The following SLC26A7 variants were observed in gnomAD, a reference collection of about 807,000 sequenced individuals.
SLC26A7 encodes the protein solute carrier family 26 member 7, also known as anion exchange transporter.
A neutral mutation model predicts 82.5 loss-of-function variants in SLC26A7; 59 were observed. The ratio of observed to expected loss-of-function variants is 0.72; its 90% CI spans 0.58 to 0.89. The LOEUF is 0.89. Ranked by LOEUF, SLC26A7 falls within the 40% of genes least tolerant of loss-of-function variation. The pLI is 0.00. For synonymous variants in SLC26A7, 271 were observed against 274.3 expected, an observed-to-expected ratio of 0.99 and a Z score of 0.12; for missense variants, 820 against 793.0, an observed-to-expected ratio of 1.03 and a Z score of -0.41.
At chr8:91,285,430 C>T (rs1190514642) in intron 2 of SLC26A7, among the ~76,000 whole-genome samples, 1 of 152,260 alleles carries the variant, frequency 6.6e-6, no homozygotes, top group East Asian at 1.9e-4. Context: ...TATAAGGACA[C>T]CAGTCATATT....
At chr8:91,380,292 T>C (rs1011282211) in intron 15 of SLC26A7, among the ~76,000 whole-genome samples, 15 of 152,152 alleles carry the variant, frequency 9.9e-5, no homozygotes, top group Non-Finnish European at 2.1e-4. Context: ...GGAATATTTA[T>C]TTATGCATTA....
chr8:91,384,030 A>G (rs1030135485), intron 15 of SLC26A7, among the ~76,000 whole-genome samples: 3 of 152,176 alleles, frequency 2.0e-5, no homozygotes, highest in African/African-American at 4.8e-5. Flanking sequence ...CAAATAAACA[A>G]TGCAGGTATA....
chr8:91,332,836 AT>A (rs1813132977), intron 5 of SLC26A7, among the ~76,000 whole-genome samples: 1 of 151,822 alleles, frequency 6.6e-6, no homozygotes, highest in Non-Finnish European at 1.5e-5. Flanking sequence ...TTTCTTATAT[AT>A]TTTATTATTA....
At chr8:91,327,492 A>G (rs1011567640) in intron 5 of SLC26A7, among the ~76,000 whole-genome samples, 15 of 152,186 alleles carry the variant, frequency 9.9e-5, no homozygotes, top group African/African-American at 3.6e-4. Flanking sequence ...CATAGAAAAC[A>G]GTCCATATTT....
At chr8:91,303,685 T>A (rs887005260) in intron 4 of SLC26A7, among the ~76,000 whole-genome samples, 1 of 152,208 alleles carries the variant, frequency 6.6e-6, no homozygotes, top group Non-Finnish European at 1.5e-5. Flanking sequence ...AAAAGACAAC[T>A]GTAAGCTAAA....
At chr8:91,294,227 T>C (rs753454466) in intron 3 of SLC26A7, among the ~76,000 whole-genome samples, 4 of 152,234 alleles carry the variant, frequency 2.6e-5, no homozygotes, top group Non-Finnish European at 5.9e-5. Context: ...TTATCAGGTG[T>C]TAACTACATG....
In SLC26A7 at chr8:91,307,558, C is replaced by T. The variant is rs200195220; in HGVS notation, c.478-10658C>T. 2.0e-3 allele frequency among the ~76,000 whole-genome samples: 277 copies of T among 142,032 alleles called. 3 individuals carry two copies. In the East Asian group the frequency reaches 0.042, roughly 21 times the overall value. The allele number at this position is 142,032 out of a possible 152,430, so 93.2% of individuals were successfully genotyped here. ...GTAAACTATCGCAAGAACAAAAAAC[C>T]AAACACCGCATATTCTCACTCATAG... On this transcript the variant is annotated intron_variant, in intron 4 of 18. Transcript: ENST00000276609.
chr8:91,267,335 A>G (rs1296538866), intron 2 of SLC26A7, among the ~76,000 whole-genome samples: 3 of 151,888 alleles, frequency 2.0e-5, no homozygotes, highest in Non-Finnish European at 4.4e-5. Context: ...AAGAATTGAC[A>G]TTAGTTTTTC....
At chr8:91,242,533 C>G (rs1810488470) in intron 2 of SLC26A7, among the ~76,000 whole-genome samples, 1 of 152,096 alleles carries the variant, frequency 6.6e-6, no homozygotes, top group Admixed American at 6.5e-5. Flanking sequence ...GAGACAGGGC[C>G]TCTGGGAGGC....
rs534829399 is a variant in SLC26A7, at chr8:91,393,813, A to G, written c.1793A>G (p.Lys598Arg). Residue 598 changes from lysine (K) to arginine (R), a missense_variant, in exon 17 of 19, where the codon AAA becomes AGA. Transcript: ENST00000276609. The stretch of plus-strand genomic sequence containing the variant: ...TTCTTCCAGGTTTACATGGACTGTA[A>G]AGGCAGGAGTGTGGATGTATTGTTA... ...SMLVEVYMDC[K>R]GRSVDVLLAH... 14 of 1,613,626 alleles carry G rather than the reference A, an allele frequency of 8.7e-6. No homozygotes were observed. The East Asian group carries it at 1.8e-4, about 21-fold the overall frequency.
At chr8:91,376,626 C>A (rs1161001478) in intron 15 of SLC26A7, among the ~76,000 whole-genome samples, 1 of 152,118 alleles carries the variant, frequency 6.6e-6, no homozygotes, top group Non-Finnish European at 1.5e-5. Context: ...AGCTTTTCTT[C>A]TGCACTATCA....
chr8:91,238,063 C>T (rs1169063901), intron 2 of SLC26A7, among the ~76,000 whole-genome samples: 2 of 152,160 alleles, frequency 1.3e-5, no homozygotes, highest in Non-Finnish European at 2.9e-5. Context: ...TTTGGACCCC[C>T]AGATTTTTGC....
chr8:91,316,177 A>G (rs990069905), intron 4 of SLC26A7, among the ~76,000 whole-genome samples: 1 of 152,182 alleles, frequency 6.6e-6, no homozygotes, highest in African/African-American at 2.4e-5. Context: ...ATATCACTTT[A>G]TATTTCTCAT....
chr8:91,352,578 A>G (rs1431503436), intron 10 of SLC26A7, among the ~76,000 whole-genome samples: 1 of 152,248 alleles, frequency 6.6e-6, no homozygotes, highest in African/African-American at 2.4e-5. Context: ...AATACTTTTC[A>G]AACAAATGAC....
exon 2 of SLC26A7, chr8:91,219,005 G>C: frequency 2.0e-6 from 3 of 1,502,146 alleles, no homozygotes; most frequent in Non-Finnish European, 2.7e-6. Context: ...GTGTAGAACA[G>C]GTGAGGTGCT....
chr8:91,326,697 C>T (rs891945129), intron 5 of SLC26A7, among the ~76,000 whole-genome samples: 7 of 152,136 alleles, frequency 4.6e-5, no homozygotes, highest in Non-Finnish European at 8.8e-5. Flanking sequence ...TTGGTGCTGG[C>T]GTCTTAATGG....
intron 2 of SLC26A7, among the ~76,000 whole-genome samples, chr8:91,220,502 A>C (rs1303567556): frequency 1.3e-5 from 2 of 151,210 alleles, no homozygotes; most frequent in East Asian, 3.9e-4. Context: ...CCCTCCCCTC[A>C]TCCCCTATCC....
chr8:91,272,662 T>C (rs556741302), intron 2 of SLC26A7, among the ~76,000 whole-genome samples: 1 of 152,214 alleles, frequency 6.6e-6, no homozygotes, highest in Non-Finnish European at 1.5e-5. Flanking sequence ...TACTTTCTAA[T>C]AATATAATTT....
Position 91,351,891 on chromosome 8 carries a change from C to T in SLC26A7, c.1218+4C>T, listed in dbSNP as rs374598682. 7.9e-5 allele frequency: 127 copies of T among 1,598,596 alleles called. No individual in the cohort carries two copies. Among genetic ancestry groups the T allele is most frequent in the Middle Eastern group, 6.6e-4 (4 of 6,020 alleles). On this transcript the variant is annotated splice_donor_region_variant and intron_variant, in intron 10 of 18. Coordinates refer to ENST00000276609, the MANE Select transcript of SLC26A7 (RefSeq NM_052832.4). ...TTTGCTTTACTGGCTGCCCATGGTA[C>T]GGTAGTGCTTTTTCACTATCTACTT...
Sources: allele counts gnomAD v4.1 joint callset (sites outside exome capture counted in the v4.1 genomes callset), GRCh38; gene constraint gnomAD v4.1.1; transcripts MANE v1.5; gene names NCBI Gene and HGNC (gene_info 2026-07-23, HGNC 2026-07-21).